ABCB1: variants seen among roughly 807,000 people sequenced by gnomAD.
The protein encoded by ABCB1 is ATP binding cassette subfamily B member 1.
A neutral mutation model predicts 142.0 loss-of-function variants in ABCB1; 69 were observed. The ratio of observed to expected loss-of-function variants is 0.49; its 90% CI spans 0.40 to 0.59. The LOEUF is 0.59. ABCB1 is among the 20% of genes least tolerant of loss of function. The pLI, the probability that ABCB1 is intolerant of heterozygous loss-of-function variation, is 0.00. For missense variants in ABCB1, 1,326 were observed against 1,554.7 expected (o/e 0.85, Z 2.47); for synonymous variants, 532 against 539.2 (o/e 0.99, Z 0.18).
chr7:87,654,880 G>T (rs879765153), intron 1 of ABCB1, among the ~76,000 whole-genome samples: 4 of 152,040 alleles, frequency 2.6e-5, no homozygotes, highest in Non-Finnish European at 5.9e-5. Flanking sequence ...TTTAGGCAAA[G>T]AACCTGAATA....
chr7:87,659,633 T>C (rs1352954786), intron 1 of ABCB1, among the ~76,000 whole-genome samples: 2 of 152,188 alleles, frequency 1.3e-5, no homozygotes, highest in African/African-American at 4.8e-5. Flanking sequence ...TTGTTGTTCC[T>C]GTATTTATAG....
chr7:87,620,386 C>G (rs925531736), intron 1 of ABCB1, among the ~76,000 whole-genome samples: 41 of 152,138 alleles, frequency 2.7e-4, no homozygotes, highest in African/African-American at 8.7e-4. Flanking sequence ...TCTCGAACTC[C>G]TGACCTCATG....
intron 9 of ABCB1, among the ~76,000 whole-genome samples, chr7:87,553,317 CTTTTTTTTTT>C (rs941637830): frequency 8.9e-6 from 1 of 112,666 alleles, no homozygotes; most frequent in African/African-American, 3.6e-5. Flanking sequence ...TTTTTTTCCA[CTTTTTTTTTT>C]TTTTTTTTTT....
chr7:87,588,427 T>C (rs1350686605), intron 3 of ABCB1, among the ~76,000 whole-genome samples: 3 of 152,182 alleles, frequency 2.0e-5, no homozygotes, highest in Non-Finnish European at 4.4e-5. Context: ...AGTGAGAACA[T>C]GTGGTGTTTG....
intron 1 of ABCB1, among the ~76,000 whole-genome samples, chr7:87,693,053 G>A (rs1173849798): frequency 6.6e-6 from 1 of 152,144 alleles, no homozygotes; most frequent in Non-Finnish European, 1.5e-5. Flanking sequence ...GTTTGGAAAG[G>A]TGTGGGACCA....
At chr7:87,705,450 C>CA (rs572746543) in intron 1 of ABCB1, among the ~76,000 whole-genome samples, 206 of 150,778 alleles carry the variant, frequency 1.4e-3, no homozygotes, top group Middle Eastern at 6.9e-3. Context: ...ACAACAACAA[C>CA]AAAAAAAAAC....
chr7:87,606,256 C>A (rs1819648689), intron 1 of ABCB1, among the ~76,000 whole-genome samples: 1 of 151,958 alleles, frequency 6.6e-6, no homozygotes, highest in Non-Finnish European at 1.5e-5. Context: ...CAAAGAAATG[C>A]AAATTACAAC....
intron 9 of ABCB1, among the ~76,000 whole-genome samples, chr7:87,553,541 C>T (rs549126226): frequency 1.6e-4 from 24 of 152,060 alleles, no homozygotes; most frequent in African/African-American, 5.1e-4. Flanking sequence ...AGGATGGTCT[C>T]GATCTCCTGA....
chr7:87,532,818 T>C (rs775243490), intron 20 of ABCB1, among the ~76,000 whole-genome samples: 5 of 152,198 alleles, frequency 3.3e-5, no homozygotes, highest in African/African-American at 4.8e-5. Flanking sequence ...GAATTCTTTC[T>C]TGTACAAGAT....
At chr7:87,626,027 G>T (rs534787172) in intron 1 of ABCB1, among the ~76,000 whole-genome samples, 2,792 of 123,842 alleles carry the variant, frequency 0.023, 99 homozygotes, top group African/African-American at 0.06. Flanking sequence ...TATATATAGA[G>T]AGAGAGAGAG....
intron 12 of ABCB1, 32 bp downstream of exon 12, chr7:87,550,139 C>T: frequency 1.2e-6 from 2 of 1,614,152 alleles, no homozygotes; most frequent in South Asian, 2.2e-5. Context: ...CTGCTGATCA[C>T]CGCAGGGTCT....
chr7:87,599,690 T>C (rs1380760525), intron 2 of ABCB1, among the ~76,000 whole-genome samples: 8 of 152,238 alleles, frequency 5.3e-5, no homozygotes, highest in Non-Finnish European at 1.0e-4. Flanking sequence ...CAATGTTCGA[T>C]AGCAGACGAG....
chr7:87,542,637 C>T (rs941680630), intron 17 of ABCB1, among the ~76,000 whole-genome samples: 1 of 149,236 alleles, frequency 6.7e-6, no homozygotes, highest in Admixed American at 6.8e-5. Flanking sequence ...CAACCAAACC[C>T]ATTCCTAACT....
chr7:87,677,261 C>A (rs1826459890), intron 1 of ABCB1, among the ~76,000 whole-genome samples: 1 of 133,900 alleles, frequency 7.5e-6, no homozygotes. Flanking sequence ...GATTAATAAA[C>A]TACAGTGTAT....
intron 21 of ABCB1, among the ~76,000 whole-genome samples, chr7:87,524,359 A>G (rs994085462): frequency 2.6e-5 from 4 of 152,238 alleles, no homozygotes; most frequent in African/African-American, 9.6e-5. Flanking sequence ...ATATATAGTC[A>G]CTTTAGAAAA....
In ABCB1 at chr7:87,539,343, AC is replaced by A. The variant is rs1156870776; in HGVS notation, c.2321del (p.Gly774ValfsTer28). 6.2e-7 allele frequency: 1 copy of A among 1,613,916 alleles called. No homozygotes were observed. The part of the protein sequence containing the change: ...IISFITFFLQ[G>X]FTFGKAGEIL... Reference sequence around the variant, plus strand: ...TCTCTCCAGCTTTGCCAAATGTGAAACCCTGTGGGCAGGAACATACCTTGTC... The same window carrying A: ...TCTCTCCAGCTTTGCCAAATGTGAAACCTGTGGGCAGGAACATACCTTGTC... On this transcript the variant is annotated frameshift_variant and splice_region_variant, in exon 19 of 28. Coordinates refer to ENST00000622132, the MANE Select transcript of ABCB1 (RefSeq NM_001348946.2). LOFTEE classifies it high-confidence loss of function.
At chr7:87,681,022 A>G (rs1462792463) in intron 1 of ABCB1, among the ~76,000 whole-genome samples, 2 of 150,540 alleles carry the variant, frequency 1.3e-5, no homozygotes, top group Non-Finnish European at 2.9e-5. Context: ...CAAATTTCCA[A>G]TATCAGGAAT....
rs1554444198 is a variant in ABCB1, at chr7:87,626,246, A to ATGTCATATATATGTGTCATATATAT, written c.-330-25169_-330-25168insATATATATGACACATATATATGACA. ...TATGTCATATATATGTGTCATATATATGTCATATATATGTGTCATATATGT... is the reference window on the plus strand; with the variant it reads ...TATGTCATATATATGTGTCATATATATGTCATATATATGTGTCATATATATTGTCATATATATGTGTCATATATGT... On this transcript the variant is annotated intron_variant, in intron 1 of 28. Transcript: ENST00000265724. Among the ~76,000 whole-genome samples the ATGTCATATATATGTGTCATATATAT allele has an allele frequency of 4.9e-3, 61 of 12,522 alleles. 11 individuals carry two copies. Among genetic ancestry groups the ATGTCATATATATGTGTCATATATAT allele is most frequent in the Non-Finnish European group, 8.1e-3 (52 of 6,430 alleles). 8.2% of individuals were successfully genotyped at this position (12,522 alleles called of 152,430 possible). A position where few individuals can be genotyped will look rare whatever the true frequency, so the allele number is the denominator to read the frequency against.
In ABCB1 at chr7:87,589,805, G is replaced by GGAGAGAGAGAGAGAGAGA. The variant is rs370840500; in HGVS notation, c.118-4143_118-4126dup. ...AAAAAAAGAAAGAGAGAGAGAGAGA[G>GGAGAGAGAGAGAGAGAGA]GAGAGAGAGAGAGAGAGAGAGAGAG... is the stretch of plus-strand genomic sequence containing the variant. On this transcript the variant is annotated intron_variant, in intron 3 of 27. Transcript: ENST00000622132. 2.7e-3 allele frequency among the ~76,000 whole-genome samples: 280 copies of GGAGAGAGAGAGAGAGAGA among 105,344 alleles called. 3 individuals are homozygous for GGAGAGAGAGAGAGAGAGA. Among genetic ancestry groups the GGAGAGAGAGAGAGAGAGA allele is most frequent in the African/African-American group, 0.013 (225 of 16,984 alleles). 69.1% of individuals were successfully genotyped at this position (105,344 alleles called of 152,430 possible). A position where few individuals can be genotyped will look rare whatever the true frequency, so the allele number is the denominator to read the frequency against.
Sources: gnomAD v4.1 joint callset for allele counts (sites outside exome capture counted in the v4.1 genomes callset) on GRCh38, gnomAD v4.1.1 for gene constraint, MANE v1.5 for transcripts, NCBI Gene and HGNC (gene_info 2026-07-23, HGNC 2026-07-21) for gene names.